TANC1: variants seen among roughly 807,000 people sequenced by gnomAD.
TANC1 encodes the protein protein TANC1.
Under a neutral mutation model 149.7 loss-of-function variants are expected in TANC1, and 77 were observed. That is an observed-to-expected ratio of 0.51 (90% CI 0.43 to 0.62). The LOEUF is 0.62. TANC1 is among the 20% of genes least tolerant of loss of function. TANC1 has a pLI of 0.00. For missense variants in TANC1, 1,985 were observed against 2,321.8 expected, an observed-to-expected ratio of 0.85 and a Z score of 2.98; for synonymous variants, 854 against 925.0, an observed-to-expected ratio of 0.92 and a Z score of 1.39.
intron 2 of TANC1, among the ~76,000 whole-genome samples, chr2:159,062,706 G>A (rs1170794681): frequency 2.0e-5 from 3 of 151,956 alleles, no homozygotes; most frequent in African/African-American, 4.8e-5. Context: ...GGTGGCTCAC[G>A]CCTGTAATCC....
intron 2 of TANC1, among the ~76,000 whole-genome samples, chr2:159,006,599 A>G (rs545564233): frequency 6.6e-6 from 1 of 152,346 alleles, no homozygotes; most frequent in South Asian, 2.1e-4. Context: ...TAATGAGACA[A>G]GTAAACACGA....
intron 4 of TANC1, among the ~76,000 whole-genome samples, chr2:159,128,202 A>T (rs747213665): frequency 6.6e-6 from 1 of 152,192 alleles, no homozygotes. Context: ...CTCAAATCAC[A>T]CTGATCTTTT....
intron 3 of TANC1, among the ~76,000 whole-genome samples, chr2:159,093,198 A>T (rs139970307): frequency 1.3e-5 from 2 of 152,366 alleles, no homozygotes; most frequent in East Asian, 3.9e-4. Context: ...TGCCTGCAGT[A>T]ACAGGAAGGG....
intron 5 of TANC1, among the ~76,000 whole-genome samples, chr2:159,138,417 G>A (rs960491591): frequency 6.6e-6 from 1 of 152,088 alleles, no homozygotes; most frequent in Non-Finnish European, 1.5e-5. Flanking sequence ...AGGACAATTA[G>A]TATAGAATGG....
At chr2:159,121,593 G>A (rs2048854159) in intron 4 of TANC1, among the ~76,000 whole-genome samples, 1 of 152,230 alleles carries the variant, frequency 6.6e-6, no homozygotes, top group African/African-American at 2.4e-5. Flanking sequence ...GCCTCCCAAA[G>A]TGCTAGGATT....
rs2060363451 is a variant in TANC1 at position 159,232,367 on chromosome 2, A to G, written c.*1355A>G. The stretch of plus-strand genomic sequence containing the variant: ...TTCTAAAATTGAGGAGAAGGAAGTT[A>G]TATATTTGCAGAATGTTTTAAAGTG... On this transcript the variant is annotated 3_prime_UTR_variant, in exon 27 of 27. Transcript: ENST00000263635. The G allele has an allele frequency of 6.6e-6, 1 of 152,638 alleles. No individual in the cohort carries two copies. The highest frequency in any genetic ancestry group is 2.4e-5 in the African/African-American group (1 of 41,476). 9.5% of individuals were successfully genotyped at this position (152,638 alleles called of 1,614,324 possible).
chr2:159,121,550 A>C (rs1257805795), intron 4 of TANC1, among the ~76,000 whole-genome samples: 3 of 152,142 alleles, frequency 2.0e-5, no homozygotes, highest in Admixed American at 2.0e-4. Context: ...GCCATGTCTC[A>C]AACTCCTGAC....
intron 19 of TANC1, among the ~76,000 whole-genome samples, chr2:159,205,793 T>G (rs2058564584): frequency 6.6e-6 from 1 of 152,210 alleles, no homozygotes; most frequent in Non-Finnish European, 1.5e-5. Flanking sequence ...AGGTGATGCA[T>G]GCACATCTCA....
intron 2 of TANC1, among the ~76,000 whole-genome samples, chr2:159,007,733 C>G (rs1361843356): frequency 6.6e-6 from 1 of 152,086 alleles, no homozygotes; most frequent in East Asian, 1.9e-4. Context: ...GGTAAGGAGG[C>G]CAGGTTAATC....
intron 19 of TANC1, among the ~76,000 whole-genome samples, chr2:159,205,706 A>G (rs1389736663): frequency 2.0e-5 from 3 of 152,216 alleles, no homozygotes; most frequent in Non-Finnish European, 4.4e-5. Flanking sequence ...TGATACAATC[A>G]CCTAACGACT....
chr2:158,980,572 T>G (rs566188364), intron 1 of TANC1, among the ~76,000 whole-genome samples: 1 of 151,996 alleles, frequency 6.6e-6, no homozygotes, highest in African/African-American at 2.4e-5. Context: ...GTCAGGAGAT[T>G]GAGACCATCC....
chr2:159,102,063 A>G (rs1201351951), intron 4 of TANC1, among the ~76,000 whole-genome samples: 1 of 152,146 alleles, frequency 6.6e-6, no homozygotes, highest in Admixed American at 6.5e-5. Context: ...TGTGGAGTAG[A>G]AGCCATATTG....
chr2:159,164,871 G>A (rs1293264074), intron 8 of TANC1, among the ~76,000 whole-genome samples: 1 of 152,150 alleles, frequency 6.6e-6, no homozygotes, highest in Non-Finnish European at 1.5e-5. Context: ...CCAGAAGAGG[G>A]ATTTGGCATG....
intron 17 of TANC1, among the ~76,000 whole-genome samples, chr2:159,195,799 A>T (rs932386171): frequency 6.6e-6 from 1 of 152,178 alleles, no homozygotes; most frequent in Non-Finnish European, 1.5e-5. Context: ...TCACAGCTGA[A>T]AGCTCTGGAG....
At chr2:159,080,580 C>G (rs944588785) in intron 3 of TANC1, among the ~76,000 whole-genome samples, 11 of 152,130 alleles carry the variant, frequency 7.2e-5, no homozygotes, top group African/African-American at 2.7e-4. Flanking sequence ...AAATCTGTAC[C>G]TTGAAGGCAG....
chr2:159,006,016 C>T (rs552043585), intron 2 of TANC1, among the ~76,000 whole-genome samples: 43 of 151,976 alleles, frequency 2.8e-4, no homozygotes, highest in South Asian at 1.9e-3. Context: ...ATGTTATGGC[C>T]GGGCGCAGTG....
At chr2:159,041,997 G>T (rs2040679567) in intron 2 of TANC1, among the ~76,000 whole-genome samples, 1 of 152,204 alleles carries the variant, frequency 6.6e-6, no homozygotes, top group South Asian at 2.1e-4. Flanking sequence ...CCTGGTTCAT[G>T]TAGGGTTCTC....
rs1207291161 is a variant in TANC1 at position 159,174,936 on chromosome 2, G to A, written c.1504-17G>A. 6.2e-7 allele frequency: 1 copy of A among 1,604,616 alleles called. No homozygotes were observed. Among genetic ancestry groups the A allele is most frequent in the Non-Finnish European group, 8.5e-7 (1 of 1,172,186 alleles). On this transcript the variant is annotated splice_polypyrimidine_tract_variant and intron_variant, in intron 11 of 26. Transcript: ENST00000263635. Reference sequence around the variant, plus strand: ...TGAAGAGGGTGAGGTGATGCTGACGGTTCTGCTTCCCCCTAGGTGGTGGCC... The same window carrying A: ...TGAAGAGGGTGAGGTGATGCTGACGATTCTGCTTCCCCCTAGGTGGTGGCC...
rs147670559 is a variant in TANC1, at chr2:159,154,126, T to C, written c.682+3570T>C. Among the ~76,000 whole-genome samples the C allele has an allele frequency of 3.3e-5, 5 of 152,280 alleles. No individual in the cohort carries two copies. The East Asian group carries it at 9.6e-4, about 29-fold the overall frequency. On this transcript the variant is annotated intron_variant, in intron 7 of 26. Coordinates refer to ENST00000263635, the MANE Select transcript of TANC1 (RefSeq NM_033394.3). ...TGGCAGAGGCTTTGGGGGTGGACTG[T>C]TACAAAGTGCACACAGCTGCCGAGG...
Sources: allele counts gnomAD v4.1 joint callset (sites outside exome capture counted in the v4.1 genomes callset), GRCh38; gene constraint gnomAD v4.1.1; transcripts MANE v1.5; gene names NCBI Gene and HGNC (gene_info 2026-07-23, HGNC 2026-07-21).